ERI2: variants seen among roughly 807,000 people sequenced by gnomAD.
The protein encoded by ERI2 is ERI1 exoribonuclease family member 2, also known as ERI1 exoribonuclease 2.
ERI2 carries 35 observed loss-of-function variants against 46.8 expected under a neutral mutation model. The ratio of observed to expected loss-of-function variants is 0.75; its 90% CI spans 0.57 to 0.99. The LOEUF is 0.99. Among genes scored for constraint, ERI2 ranks in the 50% least tolerant of loss-of-function variants. The probability of loss-of-function intolerance (pLI) is 0.00; values close to 1 mark genes in which losing one functional copy is unlikely to be tolerated. For synonymous variants in ERI2, 224 were observed against 271.0 expected, an observed-to-expected ratio of 0.83 and a Z score of 1.70; for missense variants, 695 against 796.2, an observed-to-expected ratio of 0.87 and a Z score of 1.53.
chr16:20,795,181 G>A (rs1233591478), downstream of ERI2, among the ~76,000 whole-genome samples: 4 of 152,186 alleles, frequency 2.6e-5, no homozygotes, highest in Non-Finnish European at 5.9e-5. Flanking sequence ...AAATGTTCAA[G>A]TGTTGTTGTT....
At chr16:20,784,889 A>C in intron 10 of ERI2, 2 of 1,420,648 alleles carry the variant, frequency 1.4e-6, no homozygotes, top group Non-Finnish European at 1.9e-6. Context: ...AAAGCGACTA[A>C]AACATTTTAT....
At chr16:20,794,650 C>T (rs1450558785), downstream of ERI2, among the ~76,000 whole-genome samples, 5 of 152,192 alleles carry the variant, frequency 3.3e-5, no homozygotes, top group Non-Finnish European at 7.4e-5. Context: ...AAGACCCAAA[C>T]TTCTTGTAAT....
intron 10 of ERI2, among the ~76,000 whole-genome samples, chr16:20,782,524 G>C (rs2080375600): frequency 6.6e-6 from 1 of 152,182 alleles, no homozygotes; most frequent in South Asian, 2.1e-4. Flanking sequence ...GTCTCCAGAT[G>C]TAAGGGATCT....
chr16:20,798,352 A>G lies in ERI2; in HGVS notation c.1448T>C (p.Ile483Thr). The G allele has an allele frequency of 1.3e-6, 2 of 1,551,532 alleles. No individual in the cohort carries two copies. Residue 483 changes from isoleucine (I) to threonine (T), a missense_variant, in exon 9 of 9, where the codon ATT becomes ACT. Coordinates refer to ENST00000357967, the MANE Select transcript of ERI2 (RefSeq NM_001142725.2). The stretch of plus-strand genomic sequence containing the variant: ...ATCTTTGGCTTCTTTTACATTATAA[A>G]TAGTAGTGTGAGGACTCTTGTACAC... The part of the protein sequence containing the change: ...SIVYKSPHTT[I>T]YNVKEAKDPG...
At chr16:20,791,477 G>A (rs2152486031), downstream of ERI2, among the ~76,000 whole-genome samples, 1 of 152,298 alleles carries the variant, frequency 6.6e-6, no homozygotes, top group East Asian at 1.9e-4. Context: ...AAAATCTCAA[G>A]ATGGAAACAT....
chr16:20,786,012 G>A, intron 10 of ERI2: 1 of 1,100,914 alleles, frequency 9.1e-7, no homozygotes, highest in South Asian at 1.7e-5. Context: ...TTGAATGAAT[G>A]CATGATAGAT....
At chr16:20,800,459 T>C in intron 5 of ERI2, 57 bp from the exon 6 acceptor site, 6 of 998,726 alleles carry the variant, frequency 6.0e-6, no homozygotes, top group Non-Finnish European at 9.2e-6. Flanking sequence ...TTTTTACTTA[T>C]GCTGCCACCA....
intron 10 of ERI2, among the ~76,000 whole-genome samples, chr16:20,788,581 C>A (rs1389331683): frequency 6.6e-6 from 1 of 152,206 alleles, no homozygotes; most frequent in Non-Finnish European, 1.5e-5. Flanking sequence ...ATTCTGGCAT[C>A]TGGGGATGTG....
chr16:20,800,233 A>C, intron 6 of ERI2, 69 bp downstream of exon 6: 1 of 1,086,798 alleles, frequency 9.2e-7, no homozygotes, highest in East Asian at 2.4e-5. Flanking sequence ...ACCCATGCCC[A>C]TGTGTAGGAT....
intron 10 of ERI2, chr16:20,780,932 T>C: frequency 6.2e-7 from 1 of 1,612,490 alleles, no homozygotes; most frequent in Non-Finnish European, 8.5e-7. Context: ...TCTTTTATAT[T>C]TATTTTCCTA....
At position 20,781,024 on chromosome 16, in the gene ERI2, C is replaced by T. The variant is rs755942547; in HGVS notation, c.895-290G>A. ...GATGTGATGTGGAATACCTCAGATACGGGCTGGGCAAAGTCTGCATGGAGT... is the reference window on the plus strand; with the variant it reads ...GATGTGATGTGGAATACCTCAGATATGGGCTGGGCAAAGTCTGCATGGAGT... On this transcript the variant is annotated intron_variant, in intron 10 of 10. Transcript: ENST00000300005. 19 of 1,614,174 alleles carry T rather than the reference C, an allele frequency of 1.2e-5. No homozygotes were observed. Among genetic ancestry groups the T allele is most frequent in the South Asian group, 7.7e-5 (7 of 91,082 alleles).
At position 20,784,986 on chromosome 16, in the gene ERI2, A is replaced by G. The variant is rs750153921; in HGVS notation, c.895-4252T>C. ...AACTTATCTGGTTTTCTGAGAAGCTATAAGTTTAAAAGCTTAAAGCACTGT... is the reference window on the plus strand; with the variant it reads ...AACTTATCTGGTTTTCTGAGAAGCTGTAAGTTTAAAAGCTTAAAGCACTGT... On this transcript the variant is annotated intron_variant, in intron 10 of 10. Coordinates refer to the ERI2 transcript ENST00000300005. The G allele has an allele frequency of 4.3e-5, 70 of 1,611,102 alleles. No individual in the cohort carries two copies. Among genetic ancestry groups the G allele is most frequent in the Non-Finnish European group, 5.5e-5 (65 of 1,179,040 alleles).
intron 10 of ERI2, chr16:20,786,276 A>C: frequency 6.9e-7 from 1 of 1,446,700 alleles, no homozygotes; most frequent in Non-Finnish European, 9.1e-7. Flanking sequence ...TACTTCCATG[A>C]TACTTTAATT....
Position 20,798,222 on chromosome 16 carries a change from AGGAT to A in ERI2, c.1574_1577del (p.His525LeufsTer40). On this transcript the variant is annotated frameshift_variant, in exon 9 of 9. Coordinates refer to ENST00000357967, the MANE Select transcript of ERI2 (RefSeq NM_001142725.2). LOFTEE classifies it high-confidence loss of function. Reference sequence around the variant, plus strand: ...TCCTTTTGGTACCACCTGAAAGAAGAGGATGTTTCCCCAAAACTAAAGGATGAGA... The same window carrying A: ...TCCTTTTGGTACCACCTGAAAGAAGAGTTTCCCCAAAACTAAAGGATGAGA... 1.3e-5 allele frequency: 20 copies of A among 1,551,652 alleles called. No homozygotes were observed. The highest frequency in any genetic ancestry group is 1.7e-5 in the Non-Finnish European group (20 of 1,146,932).
intron 10 of ERI2, among the ~76,000 whole-genome samples, chr16:20,788,500 A>C (rs1306918409): frequency 6.6e-6 from 1 of 152,092 alleles, no homozygotes; most frequent in African/African-American, 2.4e-5. Context: ...ATCCCCAGTC[A>C]TTTTTAACTC....
intron 4 of ERI2, among the ~76,000 whole-genome samples, chr16:20,802,539 C>T (rs1190939428): frequency 1.3e-5 from 2 of 151,416 alleles, no homozygotes; most frequent in African/African-American, 2.4e-5. Flanking sequence ...GAAGCTGGGA[C>T]TACAGACACA....
intron 10 of ERI2, among the ~76,000 whole-genome samples, chr16:20,782,819 TATAAAAGATATG>T (rs1255920294): frequency 4.6e-5 from 7 of 152,178 alleles, no homozygotes; most frequent in Non-Finnish European, 7.3e-5. Context: ...CCCAGCTTAT[TATAAAAGATATG>T]ATAAAAGTTA....
At chr16:20,799,434 A>C (rs564803414) in intron 7 of ERI2, 83 bp from the exon 8 acceptor site, 2 of 1,291,208 alleles carry the variant, frequency 1.5e-6, no homozygotes, top group Non-Finnish European at 2.2e-6. Context: ...AAAAAGAAAA[A>C]CACCACTTGT....
chr16:20,794,776 G>A (rs1306010465), downstream of ERI2, among the ~76,000 whole-genome samples: 1 of 152,126 alleles, frequency 6.6e-6, no homozygotes, highest in East Asian at 1.9e-4. Context: ...GGAAACTGAG[G>A]CACAAAGAGA....
Sources: allele counts gnomAD v4.1 joint callset (sites outside exome capture counted in the v4.1 genomes callset), GRCh38; gene constraint gnomAD v4.1.1; transcripts MANE v1.5; gene names NCBI Gene and HGNC (gene_info 2026-07-23, HGNC 2026-07-21).